Variants in SPATA6L observed in about 807,000 individuals in gnomAD.
SPATA6L encodes spermatogenesis associated 6-like protein.
Under a neutral mutation model 49.2 loss-of-function variants are expected in SPATA6L, and 68 were observed. The observed-to-expected ratio is 1.38, with a 90% CI of 1.14 to 1.69. The LOEUF (loss-of-function observed/expected upper bound fraction) is 1.69. SPATA6L is among the 40% of genes most tolerant of loss of function. The pLI is 0.00. For synonymous variants in SPATA6L, 198 were observed against 165.7 expected (o/e 1.19, Z -1.50); for missense variants, 668 against 464.3 (o/e 1.44, Z -4.03).
At chr9:4,659,732 G>A (rs1839168714) in intron 2 of SPATA6L, among the ~76,000 whole-genome samples, 1 of 152,124 alleles carries the variant, frequency 6.6e-6, no homozygotes, top group Admixed American at 6.5e-5. Context: ...ACAATCCTAA[G>A]CCAAAAGAAC....
At position 4,655,928 on chromosome 9, in the gene SPATA6L, T is replaced by C. The variant is rs1838052813; in HGVS notation, c.226+113A>G. The C allele has an allele frequency of 4.8e-6, 4 of 841,304 alleles. No individual in the cohort carries two copies. In the Admixed American group the frequency reaches 8.1e-5, roughly 17 times the overall value. 52.1% of individuals were successfully genotyped at this position (841,304 alleles called of 1,614,324 possible). On this transcript the variant is annotated intron_variant, in intron 3 of 11. Transcript: ENST00000682582. ...AAATTTTACGTAGGCTGTCTTGAAA[T>C]AAATATTCATCAAACATGAACATAT...
chr9:4,621,116 A>G (rs1270573805), intron 7 of SPATA6L, among the ~76,000 whole-genome samples: 1 of 152,208 alleles, frequency 6.6e-6, no homozygotes, highest in Non-Finnish European at 1.5e-5. Context: ...CAACAGATAG[A>G]AAGTCCAGTA....
At position 4,598,499 on chromosome 9, in the gene SPATA6L, T is replaced by C. The variant is rs1159757185; in HGVS notation, c.*2312A>G. Among the ~76,000 whole-genome samples, 3 of 152,064 alleles carry C rather than the reference T, an allele frequency of 2.0e-5. No homozygotes were observed. Among genetic ancestry groups the C allele is most frequent in the African/African-American group, 7.2e-5 (3 of 41,390 alleles). ...AAACAAAAGTAAAAATAATAATAAT[T>C]TAAGGAATAGAGTTAATAGATGCAA... On this transcript the variant is annotated 3_prime_UTR_variant, in exon 12 of 12. Transcript: ENST00000682582.
At chr9:4,610,201 C>T (rs1159882374) in intron 9 of SPATA6L, among the ~76,000 whole-genome samples, 3 of 151,320 alleles carry the variant, frequency 2.0e-5, no homozygotes, top group Non-Finnish European at 4.4e-5. Context: ...GACTCAATAT[C>T]GTGAAAATGG....
At chr9:4,654,524 G>A (rs933835904) in intron 3 of SPATA6L, among the ~76,000 whole-genome samples, 5 of 152,202 alleles carry the variant, frequency 3.3e-5, no homozygotes, top group African/African-American at 4.8e-5. Context: ...CATGTCGCAA[G>A]GACAGAGGGC....
At position 4,662,211 on chromosome 9, in the gene SPATA6L, G is replaced by A; in HGVS notation, c.40-175C>T. 7.0e-7 allele frequency: 1 copy of A among 1,435,018 alleles called. No homozygotes were observed. Among genetic ancestry groups the A allele is most frequent in the African/African-American group, 1.4e-5 (1 of 69,640 alleles). The allele number at this position is 1,435,018 out of a possible 1,614,324, so 88.9% of individuals were successfully genotyped here. A position where few individuals can be genotyped will look rare whatever the true frequency, so the allele number is the denominator to read the frequency against. On this transcript the variant is annotated intron_variant, in intron 1 of 11. Coordinates refer to ENST00000682582, the MANE Select transcript of SPATA6L (RefSeq NM_001353486.2). This position sits in a 1 kb window ranked among gnomAD's most constrained non-coding sequence, Gnocchi z 4.9. ...CCTCCCCTCTGCTCTCCTCACATTG[G>A]AAATTCCAACTCCCTCCCACGTCTC...
At chr9:4,628,852 T>C in intron 5 of SPATA6L, 1 of 403,708 alleles carries the variant, frequency 2.5e-6, no homozygotes, top group Non-Finnish European at 4.3e-6. Flanking sequence ...TAATTTTAGC[T>C]TCTGAATCAC....
Position 4,661,172 on chromosome 9 carries a change from T to C in SPATA6L, c.177+727A>G, listed in dbSNP as rs142739965. Reference sequence around the variant, plus strand: ...AAAAAATGTGACATGCTCTACTCTGTAGCCTTCCTTCTCCCCAGATCTCCC... The same window carrying C: ...AAAAAATGTGACATGCTCTACTCTGCAGCCTTCCTTCTCCCCAGATCTCCC... On this transcript the variant is annotated intron_variant, in intron 2 of 11. Transcript: ENST00000682582. 8.0e-3 allele frequency among the ~76,000 whole-genome samples: 1,213 copies of C among 152,354 alleles called. 7 individuals carry two copies. Among genetic ancestry groups the C allele is most frequent in the Middle Eastern group, 0.02 (6 of 294 alleles).
At position 4,637,293 on chromosome 9, in the gene SPATA6L, CTGAATAACAGGCT is replaced by C. The variant is rs371870970; in HGVS notation, c.227-1907_227-1895del. Among the ~76,000 whole-genome samples the C allele has an allele frequency of 3.9e-3, 595 of 152,270 alleles. 5 individuals are homozygous for C. Among genetic ancestry groups the C allele is most frequent in the African/African-American group, 0.014 (564 of 41,546 alleles). ...TCTCTGCATGGCTGGCTCCTTCCTA[CTGAATAACAGGCT>C]TGGTTTAAATGTCATCTTATCAGAA... On this transcript the variant is annotated intron_variant, in intron 3 of 11. Transcript: ENST00000682582.
At chr9:4,645,916 G>A (rs1835273480) in intron 3 of SPATA6L, among the ~76,000 whole-genome samples, 1 of 152,156 alleles carries the variant, frequency 6.6e-6, no homozygotes, top group Non-Finnish European at 1.5e-5. Flanking sequence ...AGTGGTGATG[G>A]CTGTCCAATC....
chr9:4,631,030 G>C (rs1420476315), intron 4 of SPATA6L, among the ~76,000 whole-genome samples: 7 of 152,302 alleles, frequency 4.6e-5, no homozygotes, highest in African/African-American at 1.7e-4. Flanking sequence ...ACTTTGCCCA[G>C]AGTGAAGGAA....
Position 4,611,183 on chromosome 9 carries a change from C to G in SPATA6L, c.996-5743G>C, listed in dbSNP as rs1384179163. 6.9e-4 allele frequency among the ~76,000 whole-genome samples: 101 copies of G among 146,666 alleles called. 4 individuals are homozygous for G. The Middle Eastern group carries it at 0.01, about 15-fold the overall frequency. ...GAGAGGATGTGGAGAAATAGGAACACTTTTACACTGTTGGTGGGACTGTAA... is the reference window on the plus strand; with the variant it reads ...GAGAGGATGTGGAGAAATAGGAACAGTTTTACACTGTTGGTGGGACTGTAA... On this transcript the variant is annotated intron_variant, in intron 9 of 11. Transcript: ENST00000682582.
chr9:4,666,422 A>C lies in SPATA6L; in HGVS notation c.-172T>G, dbSNP rs1251757666. ...CCCAGCCCAGGTCCCTCCCACCGGG[A>C]CGGGTCTCTCACACTCGAAGCTGGA... On this transcript the variant is annotated 5_prime_UTR_variant, in exon 1 of 12. Transcript: ENST00000682582. 2.4e-5 allele frequency: 16 copies of C among 680,296 alleles called. No homozygotes were observed. The highest frequency in any genetic ancestry group is 3.7e-5 in the Non-Finnish European group (14 of 382,894). 42.1% of individuals were successfully genotyped at this position (680,296 alleles called of 1,614,324 possible). A position where few individuals can be genotyped will look rare whatever the true frequency, so the allele number is the denominator to read the frequency against.
In SPATA6L at chr9:4,635,389, C is replaced by T; in HGVS notation, c.237G>A (p.Glu79=). The T allele has an allele frequency of 6.3e-7, 1 of 1,581,962 alleles. No individual in the cohort carries two copies. Among genetic ancestry groups the T allele is most frequent in the Non-Finnish European group, 8.5e-7 (1 of 1,170,274 alleles). ...GTGTGTTTTCTTCGTAGTAGGCCAA[C>T]TCATCCCACACTAGAAAGAAAATAG... ...AVVDLLEMWD[E]LAYYEENTRD... Residue 79 remains glutamate (E), a synonymous_variant, in exon 4 of 12, where the codon GAG becomes GAA. Coordinates refer to ENST00000682582, the MANE Select transcript of SPATA6L (RefSeq NM_001353486.2).
chr9:4,611,675 C>T (rs979987258), intron 9 of SPATA6L, among the ~76,000 whole-genome samples: 30 of 149,332 alleles, frequency 2.0e-4, no homozygotes, highest in African/African-American at 6.9e-4. Context: ...GGAGGGATAG[C>T]AGTGGGAGAT....
chr9:4,601,125 T>C (rs1823137335), intron 11 of SPATA6L, among the ~76,000 whole-genome samples: 2 of 152,222 alleles, frequency 1.3e-5, no homozygotes, highest in African/African-American at 4.8e-5. Flanking sequence ...TGTTATTCAG[T>C]TGAGCTGTTA....
intron 3 of SPATA6L, among the ~76,000 whole-genome samples, chr9:4,646,122 T>TTACACA (rs1400997560): frequency 9.4e-6 from 1 of 106,178 alleles, no homozygotes; most frequent in Non-Finnish European, 2.0e-5. Flanking sequence ...TCTTAGGGTT[T>TTACACA]TACACACACA....
At chr9:4,601,572 G>C (rs893112942) in intron 11 of SPATA6L, among the ~76,000 whole-genome samples, 2 of 152,094 alleles carry the variant, frequency 1.3e-5, no homozygotes, top group Admixed American at 6.5e-5. Flanking sequence ...CATTGTTTTT[G>C]GCTCAAGAAT....
chr9:4,617,644 T>G, intron 9 of SPATA6L: 1 of 293,202 alleles, frequency 3.4e-6, no homozygotes, highest in Non-Finnish European at 6.2e-6. Context: ...ATTTTTATAC[T>G]GGTAAAATGA....
Sources: gnomAD v4.1 joint callset for allele counts (sites outside exome capture counted in the v4.1 genomes callset) on GRCh38, gnomAD v4.1.1 for gene constraint, Gnocchi (gnomAD v3.1) non-coding constraint, MANE v1.5 for transcripts, NCBI Gene and HGNC (gene_info 2026-07-23, HGNC 2026-07-21) for gene names.